Variants in EXD2 observed in about 807,000 individuals in gnomAD.
EXD2 encodes exonuclease 3'-5' domain-containing protein 2.
A neutral mutation model predicts 62.5 loss-of-function variants in EXD2; 40 were observed. That is an observed-to-expected ratio of 0.64 (90% CI 0.50 to 0.83). EXD2 has a LOEUF of 0.83. Ranked by LOEUF, EXD2 falls within the 40% of genes least tolerant of loss-of-function variation. The pLI is 0.00. For synonymous variants in EXD2, 239 were observed against 291.9 expected, an observed-to-expected ratio of 0.82 and a Z score of 1.85; for missense variants, 671 against 761.8, an observed-to-expected ratio of 0.88 and a Z score of 1.40.
chr14:69,239,533 C>A (rs2043913516), intron 9 of EXD2, among the ~76,000 whole-genome samples: 1 of 152,188 alleles, frequency 6.6e-6, no homozygotes, highest in Non-Finnish European at 1.5e-5. Flanking sequence ...TATCTTGCAG[C>A]AAACCAGCTA....
At chr14:69,224,455 A>G (rs894306947) in intron 3 of EXD2, among the ~76,000 whole-genome samples, 1 of 152,112 alleles carries the variant, frequency 6.6e-6, no homozygotes, top group Non-Finnish European at 1.5e-5. Context: ...AGAATTCAAC[A>G]TGAGATTTGG....
At chr14:69,238,011 C>A in intron 9 of EXD2, 80 bp downstream of exon 9, 2 of 1,305,756 alleles carry the variant, frequency 1.5e-6, no homozygotes, top group African/African-American at 1.5e-5. Flanking sequence ...AGGGAGGGGG[C>A]ATTGGCTGCT....
chr14:69,220,284 T>C (rs1279524302), intron 3 of EXD2, among the ~76,000 whole-genome samples: 2 of 87,704 alleles, frequency 2.3e-5, no homozygotes, highest in African/African-American at 8.3e-5. Flanking sequence ...TTTTTTTTTT[T>C]TTTTGAGACA....
At chr14:69,218,475 G>T (rs1045687394) in intron 3 of EXD2, among the ~76,000 whole-genome samples, 1 of 152,066 alleles carries the variant, frequency 6.6e-6, no homozygotes, top group Non-Finnish European at 1.5e-5. Context: ...CCATTCTGTA[G>T]GTTGCCTGTT....
intron 3 of EXD2, among the ~76,000 whole-genome samples, chr14:69,212,091 A>C (rs1446983656): frequency 6.6e-6 from 1 of 152,148 alleles, no homozygotes; most frequent in Non-Finnish European, 1.5e-5. Flanking sequence ...GAAAACAAAA[A>C]TAGGCTGGGC....
In EXD2 at chr14:69,209,475, C is replaced by G. The variant is rs1459222497; in HGVS notation, c.5C>G (p.Ser2Cys). The G allele has an allele frequency of 6.6e-7, 1 of 1,523,144 alleles. No individual in the cohort carries two copies. Among genetic ancestry groups the G allele is most frequent in the Non-Finnish European group, 8.8e-7 (1 of 1,134,496 alleles). 94.4% of individuals were successfully genotyped at this position (1,523,144 alleles called of 1,614,324 possible). M[S>C]RQNLVALTVT... ...TAAAGAGTAGAAAAGTCGAAGATGT[C>G]TAGACAGAACTTAGTGGCTTTGACA... Residue 2 changes from serine (S) to cysteine (C), a missense_variant, in exon 3 of 10, where the codon TCT (serine) becomes TGT (cysteine). By Grantham distance (112) the Ser-to-Cys change is moderately radical. Transcript: ENST00000685843.
chr14:69,233,812 C>CTTTTTTTTTTTTTTTT, intron 5 of EXD2, among the ~76,000 whole-genome samples: 1 of 147,964 alleles, frequency 6.8e-6, no homozygotes. Flanking sequence ...GTCTCCTAGG[C>CTTTTTTTTTTTTTTTT]TGGAGTGCAG....
rs370120407 is a variant in EXD2 at position 69,234,783 on chromosome 14, T to C, written c.801T>C (p.Pro267=). 48 of 1,613,990 alleles carry C rather than the reference T, an allele frequency of 3.0e-5. No homozygotes were observed. The highest frequency in any genetic ancestry group is 1.5e-4 in the Admixed American group (9 of 59,990). Residue 267 remains proline (P), a synonymous_variant, in exon 6 of 10, where the codon CCT becomes CCC. Transcript: ENST00000685843. ...LLGYPFSRNS[P]GEKNDDHSSW... Reference sequence around the variant, plus strand: ...GATACCCTTTCTCTAGGAATTCACCTGGAGAAAAAAACGATGACCACAGTA... The same window carrying C: ...GATACCCTTTCTCTAGGAATTCACCCGGAGAAAAAAACGATGACCACAGTA...
intron 3 of EXD2, among the ~76,000 whole-genome samples, chr14:69,226,436 C>A (rs376395990): frequency 6.6e-6 from 1 of 152,160 alleles, no homozygotes; most frequent in Admixed American, 6.5e-5. Context: ...TGGTTTTACT[C>A]CGCCTTAGAA....
At position 69,196,307 on chromosome 14, in the gene EXD2, A is replaced by G. The variant is rs1267001055; in HGVS notation, c.-132+4716A>G. ...AGACCCTATTTTCAAATAAGGTCAC[A>G]TTCACAGGTCCTGGGGGTTAGACCT... is the stretch of plus-strand genomic sequence containing the variant. On this transcript the variant is annotated intron_variant, in intron 1 of 9. Coordinates refer to ENST00000685843, the MANE Select transcript of EXD2 (RefSeq NM_001193360.2). 2.0e-5 allele frequency: 3 copies of G among 152,364 alleles called. No individual in the cohort carries two copies. The East Asian group carries it at 5.8e-4, about 29-fold the overall frequency. The allele number at this position is 152,364 out of a possible 1,614,324, so 9.4% of individuals were successfully genotyped here. A position where few individuals can be genotyped will look rare whatever the true frequency, so the allele number is the denominator to read the frequency against.
chr14:69,195,176 C>T (rs2042160497), intron 1 of EXD2, among the ~76,000 whole-genome samples: 1 of 151,286 alleles, frequency 6.6e-6, no homozygotes, highest in African/African-American at 2.4e-5. Context: ...GAAATTGCAC[C>T]ACTGCACTCC....
At chr14:69,227,546 C>T (rs1343735549) in intron 3 of EXD2, among the ~76,000 whole-genome samples, 1 of 152,102 alleles carries the variant, frequency 6.6e-6, no homozygotes, top group African/African-American at 2.4e-5. Context: ...TTATCTATGA[C>T]CCCAAAAAGA....
At chr14:69,205,917 T>C (rs2042576890) in intron 2 of EXD2, among the ~76,000 whole-genome samples, 1 of 152,052 alleles carries the variant, frequency 6.6e-6, no homozygotes, top group African/African-American at 2.4e-5. Flanking sequence ...TATTTTTTAA[T>C]TTATTTTTTA....
intron 1 of EXD2, among the ~76,000 whole-genome samples, chr14:69,197,675 C>G (rs970621624): frequency 6.6e-6 from 1 of 152,114 alleles, no homozygotes; most frequent in Non-Finnish European, 1.5e-5. Flanking sequence ...AGTGAGAACA[C>G]GCAGTATTTG....
chr14:69,214,579 G>A (rs1046768374), intron 3 of EXD2, among the ~76,000 whole-genome samples: 1 of 152,124 alleles, frequency 6.6e-6, no homozygotes, highest in Non-Finnish European at 1.5e-5. Flanking sequence ...TTTATGTAAA[G>A]AGAACAGCTC....
intron 9 of EXD2, among the ~76,000 whole-genome samples, chr14:69,239,957 A>G (rs953263693): frequency 1.3e-5 from 2 of 152,226 alleles, no homozygotes; most frequent in African/African-American, 4.8e-5. Flanking sequence ...GACTTTTCTA[A>G]CAAATTCATC....
chr14:69,224,795 A>G (rs2043303204), intron 3 of EXD2, among the ~76,000 whole-genome samples: 1 of 152,076 alleles, frequency 6.6e-6, no homozygotes, highest in Non-Finnish European at 1.5e-5. Context: ...CCTGGCCAAC[A>G]TGGTGAAACC....
chr14:69,232,846 G>A (rs2043634701), intron 5 of EXD2, among the ~76,000 whole-genome samples: 1 of 152,116 alleles, frequency 6.6e-6, no homozygotes, highest in Admixed American at 6.5e-5. Context: ...GTTGTTTGAA[G>A]CACAATAGTT....
chr14:69,213,292 C>T (rs1427082219), intron 3 of EXD2, among the ~76,000 whole-genome samples: 1 of 151,300 alleles, frequency 6.6e-6, no homozygotes, highest in East Asian at 1.9e-4. Flanking sequence ...GTCCCAAACT[C>T]CTAGGCTCAA....
Sources: allele counts gnomAD v4.1 joint callset (sites outside exome capture counted in the v4.1 genomes callset), GRCh38; gene constraint gnomAD v4.1.1; transcripts MANE v1.5; gene names NCBI Gene and HGNC (gene_info 2026-07-23, HGNC 2026-07-21).